SNX2: variants seen among roughly 807,000 people sequenced by gnomAD.
The protein encoded by SNX2 is sorting nexin-2.
Under a neutral mutation model 69.9 loss-of-function variants are expected in SNX2, and 25 were observed. The observed-to-expected ratio is 0.36, with a 90% CI of 0.26 to 0.50. The LOEUF (loss-of-function observed/expected upper bound fraction) is 0.50. Ranked by LOEUF, SNX2 falls within the 20% of genes least tolerant of loss-of-function variation. SNX2 has a pLI of 0.97. For missense variants in SNX2, 551 were observed against 613.3 expected (o/e 0.90, Z 1.07); for synonymous variants, 229 against 200.4 (o/e 1.14, Z -1.20).
chr5:122,775,789 G>A (rs1752843847), intron 1 of SNX2: 6 of 984,436 alleles, frequency 6.1e-6, no homozygotes, highest in African/African-American at 1.7e-5. Context: ...CTTTTTGTTT[G>A]TCTTTAGTTC....
intron 7 of SNX2, among the ~76,000 whole-genome samples, chr5:122,813,858 C>T (rs1333256717): frequency 6.7e-6 from 1 of 149,996 alleles, no homozygotes; most frequent in Non-Finnish European, 1.5e-5. Context: ...ACTGCAACCT[C>T]CGTCTCCTGG....
At chr5:122,786,833 G>T (rs1753102460) in intron 1 of SNX2, among the ~76,000 whole-genome samples, 1 of 152,162 alleles carries the variant, frequency 6.6e-6, no homozygotes, top group African/African-American at 2.4e-5. Context: ...GTCTGTTGGG[G>T]AGGGAGGCTT....
chr5:122,786,709 G>A (rs1457486495), intron 1 of SNX2, among the ~76,000 whole-genome samples: 1 of 151,794 alleles, frequency 6.6e-6, no homozygotes, highest in Non-Finnish European at 1.5e-5. Flanking sequence ...ATGGCAAAAT[G>A]GATCCTTGTA....
At chr5:122,795,028 T>G (rs1460449097) in intron 1 of SNX2, among the ~76,000 whole-genome samples, 1 of 151,800 alleles carries the variant, frequency 6.6e-6, no homozygotes, top group Admixed American at 6.6e-5. Context: ...GTCTCAAAAA[T>G]AAAAAGAAAA....
chr5:122,777,772 T>C (rs1269915402), intron 1 of SNX2, among the ~76,000 whole-genome samples: 2 of 152,248 alleles, frequency 1.3e-5, no homozygotes, highest in Admixed American at 6.5e-5. Flanking sequence ...GTGTACAATG[T>C]GTAATGATCA....
At chr5:122,793,567 T>G (rs2150004837) in intron 1 of SNX2, among the ~76,000 whole-genome samples, 1 of 152,326 alleles carries the variant, frequency 6.6e-6, no homozygotes, top group East Asian at 1.9e-4. Context: ...TGTACACTTT[T>G]GATATATACA....
intron 10 of SNX2, 44 bp from the exon 11 acceptor site, chr5:122,818,774 T>G (rs747527177): frequency 6.6e-7 from 1 of 1,521,070 alleles, no homozygotes; most frequent in South Asian, 1.2e-5. Flanking sequence ...TTTTAAAATT[T>G]TATGAGTGAA....
chr5:122,780,976 A>C (rs1752968028), intron 1 of SNX2, among the ~76,000 whole-genome samples: 2 of 152,218 alleles, frequency 1.3e-5, no homozygotes, highest in African/African-American at 4.8e-5. Context: ...AAAATTTGTG[A>C]ACAGGTATTT....
intron 1 of SNX2, among the ~76,000 whole-genome samples, chr5:122,788,929 C>T (rs9327280): frequency 0.4 from 61,094 of 152,006 alleles, 12,841 homozygotes; most frequent in African/African-American, 0.49. Flanking sequence ...CATCTGTTGA[C>T]TGTCTTTTCT....
At chr5:122,807,017 A>G (rs1753674262) in intron 6 of SNX2, among the ~76,000 whole-genome samples, 2 of 152,158 alleles carry the variant, frequency 1.3e-5, no homozygotes, top group Admixed American at 6.6e-5. Context: ...CGGGTGTGGT[A>G]GCACATGCCT....
chr5:122,825,855 G>C (rs952158788), intron 11 of SNX2, among the ~76,000 whole-genome samples, 195 bp from the exon 12 acceptor site: 4 of 151,726 alleles, frequency 2.6e-5, no homozygotes, highest in Non-Finnish European at 5.9e-5. Flanking sequence ...CCAGTGACAG[G>C]GTTTTTTTGT....
chr5:122,790,043 T>TA (rs1753193751), intron 1 of SNX2, among the ~76,000 whole-genome samples: 1 of 152,200 alleles, frequency 6.6e-6, no homozygotes, highest in Admixed American at 6.5e-5. Context: ...GCTAGCTAGG[T>TA]ATTCTCATCC....
intron 7 of SNX2, among the ~76,000 whole-genome samples, chr5:122,809,013 A>G (rs1044518638): frequency 6.6e-6 from 1 of 152,074 alleles, no homozygotes; most frequent in East Asian, 1.9e-4. Context: ...TTGACCCTCC[A>G]TATCTGTGGG....
intron 3 of SNX2, among the ~76,000 whole-genome samples, chr5:122,800,254 A>G (rs1753477469): frequency 6.6e-6 from 1 of 152,190 alleles, no homozygotes; most frequent in Non-Finnish European, 1.5e-5. Flanking sequence ...GAGGATGTAT[A>G]TCAGTTAAAG....
chr5:122,775,395 C>T (rs1016862245), intron 1 of SNX2, 184 bp downstream of exon 1: 2 of 1,291,936 alleles, frequency 1.5e-6, no homozygotes, highest in Middle Eastern at 2.9e-4. Flanking sequence ...GCAGGGCCTC[C>T]TCAGGAGAGC....
In SNX2 at chr5:122,806,142, G is replaced by GCGCACACGCACACACACACACACACA; in HGVS notation, c.644-2134_644-2133insGCACACGCACACACACACACACACAC. Reference sequence around the variant, plus strand: ...TGTGTATATATATACACACGCGCGCGCACACACACACACACACACACACAC... The same window carrying GCGCACACGCACACACACACACACACA: ...TGTGTATATATATACACACGCGCGCGCGCACACGCACACACACACACACACACACACACACACACACACACACACAC... On this transcript the variant is annotated intron_variant, in intron 6 of 14. Coordinates refer to ENST00000379516, the MANE Select transcript of SNX2 (RefSeq NM_003100.4). 7.7e-5 allele frequency among the ~76,000 whole-genome samples: 10 copies of GCGCACACGCACACACACACACACACA among 130,656 alleles called. No homozygotes were observed. The East Asian group carries it at 1.7e-3, about 22-fold the overall frequency. The allele number at this position is 130,656 out of a possible 152,430, so 85.7% of individuals were successfully genotyped here.
At chr5:122,817,206 A>G in intron 9 of SNX2, 74 bp from the exon 10 acceptor site, 1 of 1,416,926 alleles carries the variant, frequency 7.1e-7, no homozygotes, top group African/African-American at 1.4e-5. Context: ...CAAGGAATTT[A>G]GCTTGCTATT....
At chr5:122,825,060 A>G (rs187098690) in intron 11 of SNX2, among the ~76,000 whole-genome samples, 161 of 152,256 alleles carry the variant, frequency 1.1e-3, no homozygotes, top group African/African-American at 3.7e-3. Flanking sequence ...TGCTTTTTAA[A>G]AATATACTAC....
In SNX2 at chr5:122,775,281, T is replaced by C. The variant is rs1050571044; in HGVS notation, c.108+70T>C. 15 of 1,480,230 alleles carry C rather than the reference T, an allele frequency of 1.0e-5. No individual in the cohort carries two copies. In the African/African-American group the frequency reaches 1.9e-4, roughly 18 times the overall value. The allele number at this position is 1,480,230 out of a possible 1,614,324, so 91.7% of individuals were successfully genotyped here. On this transcript the variant is annotated intron_variant, in intron 1 of 14. Transcript: ENST00000379516. The stretch of plus-strand genomic sequence containing the variant: ...CGTCTCACCTTTCCCCTGCCCCGAC[T>C]TGTCCCTCCCCATCCCCCGTGTTTG...
Sources: allele counts gnomAD v4.1 joint callset (sites outside exome capture counted in the v4.1 genomes callset), GRCh38; gene constraint gnomAD v4.1.1; transcripts MANE v1.5; gene names NCBI Gene and HGNC (gene_info 2026-07-23, HGNC 2026-07-21).